The following CNTN4 variants were observed in gnomAD, a reference collection of about 807,000 sequenced individuals.
The protein encoded by CNTN4 is contactin-4.
In CNTN4, 77 loss-of-function variants were observed where a neutral mutation model predicts 122.5. The observed-to-expected ratio is 0.63, with a 90% CI of 0.52 to 0.76. CNTN4 has a LOEUF of 0.76. CNTN4 is among the 30% of genes least tolerant of loss of function. The pLI, the probability that CNTN4 is intolerant of heterozygous loss-of-function variation, is 0.00. For synonymous variants in CNTN4, 512 were observed against 447.0 expected (o/e 1.15, Z -1.83); for missense variants, 1,256 against 1,259.1 (o/e 1.00, Z 0.04).
At chr3:2,135,132 A>G (rs2034627166) in intron 2 of CNTN4, among the ~76,000 whole-genome samples, 1 of 152,202 alleles carries the variant, frequency 6.6e-6, no homozygotes, top group African/African-American at 2.4e-5. Context: ...TCTAGGGGCC[A>G]GCATTGAAAA....
chr3:2,727,148 G>A lies in CNTN4; in HGVS notation c.56-9067G>A, dbSNP rs150308094. 6.9e-3 allele frequency among the ~76,000 whole-genome samples: 1,051 copies of A among 152,186 alleles called. 2 individuals are homozygous for A. Among genetic ancestry groups the A allele is most frequent in the South Asian group, 0.011 (51 of 4,818 alleles). On this transcript the variant is annotated intron_variant, in intron 4 of 24. Coordinates refer to ENST00000418658, the MANE Select transcript of CNTN4 (RefSeq NM_175607.3). ...GAATCCAATCTAGTCCCAGAAACTC[G>A]GATCAGAAGCCATTTGGGTCAGAAA...
chr3:2,177,656 TTGTGTGTGTGTGTGTGTGTGTG>T (rs60145608), intron 2 of CNTN4, among the ~76,000 whole-genome samples: 1 of 147,448 alleles, frequency 6.8e-6, no homozygotes, highest in Non-Finnish European at 1.5e-5. Context: ...GTGTGTGTGT[TTGTGTGTGTGTGTGTGTGTGTG>T]TGTGTGTGTG....
intron 3 of CNTN4, among the ~76,000 whole-genome samples, chr3:2,499,179 T>C (rs772075388): frequency 2.0e-5 from 3 of 152,218 alleles, no homozygotes; most frequent in Non-Finnish European, 4.4e-5. Flanking sequence ...TAGTTTTATA[T>C]TTTATATTTA....
chr3:2,568,757 T>C (rs73001949), intron 3 of CNTN4, among the ~76,000 whole-genome samples: 31,991 of 152,126 alleles, frequency 0.21, 3,978 homozygotes, highest in East Asian at 0.51. Flanking sequence ...AGGTGAACCT[T>C]ACCTACCTGA....
At chr3:2,624,342 A>G (rs149986472) in intron 4 of CNTN4, among the ~76,000 whole-genome samples, 41 of 152,294 alleles carry the variant, frequency 2.7e-4, no homozygotes, top group African/African-American at 8.7e-4. Context: ...CAGCTTTTTA[A>G]GAATTTAATT....
At chr3:2,855,290 C>T (rs1474929825) in intron 7 of CNTN4, among the ~76,000 whole-genome samples, 1 of 152,170 alleles carries the variant, frequency 6.6e-6, no homozygotes, top group Non-Finnish European at 1.5e-5. Flanking sequence ...GAAAAGAAAT[C>T]TTTGTCATGG....
intron 2 of CNTN4, among the ~76,000 whole-genome samples, chr3:2,136,858 A>G (rs1348269237): frequency 2.6e-5 from 4 of 152,226 alleles, no homozygotes; most frequent in Admixed American, 6.5e-5. Context: ...CTTATCCAAC[A>G]ACATGCAATA....
intron 3 of CNTN4, among the ~76,000 whole-genome samples, chr3:2,436,869 A>G (rs1010682004): frequency 1.1e-4 from 17 of 150,588 alleles, no homozygotes; most frequent in African/African-American, 3.2e-4. Flanking sequence ...TATTTTATAA[A>G]TAGATATGGA....
intron 6 of CNTN4, among the ~76,000 whole-genome samples, chr3:2,800,659 C>T (rs985337649): frequency 1.3e-5 from 2 of 152,138 alleles, no homozygotes; most frequent in African/African-American, 4.8e-5. Flanking sequence ...TGTTCAGAAA[C>T]CTGCAGTGGC....
intron 4 of CNTN4, among the ~76,000 whole-genome samples, chr3:2,686,471 C>T (rs146674000): frequency 6.6e-6 from 1 of 152,226 alleles, no homozygotes; most frequent in East Asian, 1.9e-4. Context: ...TCCTCAGCTC[C>T]AAATCTCTAT....
chr3:2,251,315 A>G (rs1045584243), intron 2 of CNTN4, among the ~76,000 whole-genome samples: 1 of 151,882 alleles, frequency 6.6e-6, no homozygotes, highest in African/African-American at 2.4e-5. Context: ...TTTACCAATA[A>G]CAGCAAAGCT....
intron 4 of CNTN4, among the ~76,000 whole-genome samples, chr3:2,572,338 A>G (rs971736223): frequency 6.6e-6 from 1 of 152,218 alleles, no homozygotes; most frequent in Non-Finnish European, 1.5e-5. Context: ...GTGAGCCGAG[A>G]TCGCGCCATT....
intron 13 of CNTN4, among the ~76,000 whole-genome samples, chr3:2,975,374 A>C (rs1318300352): frequency 6.6e-6 from 1 of 151,812 alleles, no homozygotes; most frequent in Non-Finnish European, 1.5e-5. Flanking sequence ...TCAAAACTCC[A>C]CTCTATTTCT....
intron 7 of CNTN4, among the ~76,000 whole-genome samples, chr3:2,847,986 C>T (rs922881563): frequency 1.3e-5 from 2 of 152,166 alleles, no homozygotes; most frequent in African/African-American, 4.8e-5. Flanking sequence ...GGGTTGGGCA[C>T]AGTGGCTGAC....
At position 3,055,486 on chromosome 3, in the gene CNTN4, A is replaced by T. The variant is rs192498405; in HGVS notation, c.2981-634A>T. ...ATGTTGGTCAAAGAGACCTTACAAG[A>T]TTGAAGAACCCCCGAATGACAGTTG... On this transcript the variant is annotated intron_variant, in intron 24 of 24. Coordinates refer to ENST00000418658, the MANE Select transcript of CNTN4 (RefSeq NM_175607.3). 6.5e-3 allele frequency among the ~76,000 whole-genome samples: 983 copies of T among 152,332 alleles called. 7 individuals are homozygous for T. The highest frequency in any genetic ancestry group is 0.011 in the Non-Finnish European group (757 of 68,026).
intron 13 of CNTN4, among the ~76,000 whole-genome samples, chr3:2,957,787 G>A (rs992366866): frequency 6.0e-5 from 9 of 149,300 alleles, no homozygotes; most frequent in East Asian, 3.9e-4. Context: ...TTTATATGCC[G>A]CATAGTATTC....
chr3:2,376,644 CTGTT>C (rs1293702285), intron 3 of CNTN4, among the ~76,000 whole-genome samples: 2 of 130,270 alleles, frequency 1.5e-5, no homozygotes, highest in African/African-American at 3.0e-5. Flanking sequence ...TTTTCATGTT[CTGTT>C]TGTTTCTGTA....
At chr3:2,466,368 T>G (rs755718470) in intron 3 of CNTN4, among the ~76,000 whole-genome samples, 1 of 152,226 alleles carries the variant, frequency 6.6e-6, no homozygotes, top group Non-Finnish European at 1.5e-5. Flanking sequence ...TGTTTGTCGC[T>G]GCTCTTAACT....
At chr3:2,287,935 G>C (rs553924979) in intron 2 of CNTN4, among the ~76,000 whole-genome samples, 1 of 151,998 alleles carries the variant, frequency 6.6e-6, no homozygotes. Context: ...TTGTAAACTT[G>C]GTAAATTGAG....
Sources: allele counts gnomAD v4.1 joint callset (sites outside exome capture counted in the v4.1 genomes callset), GRCh38; gene constraint gnomAD v4.1.1; transcripts MANE v1.5; gene names NCBI Gene and HGNC (gene_info 2026-07-23, HGNC 2026-07-21).